SLC39A12: variants seen among roughly 807,000 people sequenced by gnomAD.
The protein encoded by SLC39A12 is solute carrier family 39 member 12, also known as zinc transporter ZIP12.
SLC39A12 carries 63 observed loss-of-function variants against 71.1 expected under a neutral mutation model. The observed-to-expected ratio is 0.89, with a 90% CI of 0.72 to 1.09. The LOEUF is 1.09. Ranked by LOEUF, SLC39A12 falls within the 50% of genes least tolerant of loss-of-function variation. SLC39A12 has a pLI of 0.00. For synonymous variants in SLC39A12, 351 were observed against 301.3 expected (o/e 1.16, Z -1.71); for missense variants, 892 against 812.6 (o/e 1.10, Z -1.19).
chr10:18,024,924 G>A (rs978956685), intron 12 of SLC39A12, among the ~76,000 whole-genome samples: 5 of 152,160 alleles, frequency 3.3e-5, no homozygotes, highest in African/African-American at 7.2e-5. Context: ...AGATCGCTAC[G>A]ACCACTTATA....
chr10:18,003,524 C>A, intron 12 of SLC39A12, 166 bp downstream of exon 12: 1 of 553,260 alleles, frequency 1.8e-6, no homozygotes, highest in Admixed American at 3.8e-5. Context: ...GCATTCTGGG[C>A]AGAAAGAACA....
intron 10 of SLC39A12, among the ~76,000 whole-genome samples, chr10:17,996,571 C>T (rs1298667014): frequency 1.3e-5 from 2 of 152,210 alleles, no homozygotes; most frequent in Non-Finnish European, 2.9e-5. Context: ...GGTGTGATCT[C>T]ATTCAATTCT....
chr10:17,997,956 G>T (rs920302128), intron 10 of SLC39A12, among the ~76,000 whole-genome samples: 2 of 152,128 alleles, frequency 1.3e-5, no homozygotes, highest in African/African-American at 4.8e-5. Context: ...ATTCTGTAAT[G>T]AGTACATTAA....
At chr10:18,041,785 ATATG>A (rs1373463446) in intron 12 of SLC39A12, among the ~76,000 whole-genome samples, 6 of 146,876 alleles carry the variant, frequency 4.1e-5, no homozygotes, top group African/African-American at 1.2e-4. Context: ...ATGTATATAC[ATATG>A]TGTCTATATG....
intron 10 of SLC39A12, among the ~76,000 whole-genome samples, chr10:17,998,338 T>A (rs1440522112): frequency 1.3e-5 from 2 of 152,254 alleles, no homozygotes; most frequent in African/African-American, 2.4e-5. Context: ...GAATATATGC[T>A]ATTAATATCA....
At chr10:17,960,946 T>A (rs1265602267) in intron 2 of SLC39A12, among the ~76,000 whole-genome samples, 7 of 152,254 alleles carry the variant, frequency 4.6e-5, no homozygotes, top group Admixed American at 4.6e-4. Flanking sequence ...TTTTACTTTT[T>A]AAAATCTTGC....
At chr10:18,002,979 C>T in intron 11 of SLC39A12, 192 bp from the exon 12 acceptor site, 2 of 529,686 alleles carry the variant, frequency 3.8e-6, no homozygotes, top group East Asian at 6.1e-5. Flanking sequence ...TGAAATGCAA[C>T]TTCCTAATAG....
intron 12 of SLC39A12, among the ~76,000 whole-genome samples, chr10:18,013,419 G>A (rs1836289818): frequency 2.0e-5 from 3 of 150,826 alleles, no homozygotes; most frequent in Non-Finnish European, 4.4e-5. Context: ...CCAGGCTGCA[G>A]AACAGTGGCA....
At chr10:18,042,659 G>C in intron 12 of SLC39A12, 46 bp from the exon 13 acceptor site, 2 of 1,558,680 alleles carry the variant, frequency 1.3e-6, no homozygotes, top group South Asian at 2.4e-5. Flanking sequence ...TTTCCCAGCA[G>C]TTGAATATAT....
At chr10:18,036,794 A>ATTTTTTTTTTTTT (rs746691202) in intron 12 of SLC39A12, among the ~76,000 whole-genome samples, 5 of 92,858 alleles carry the variant, frequency 5.4e-5, no homozygotes, top group African/African-American at 1.3e-4. Flanking sequence ...ATATATATAT[A>ATTTTTTTTTTTTT]TTTTTTTTTT....
At chr10:17,966,347 G>A (rs1406519184) in intron 4 of SLC39A12, among the ~76,000 whole-genome samples, 1 of 152,078 alleles carries the variant, frequency 6.6e-6, no homozygotes, top group Non-Finnish European at 1.5e-5. Context: ...GTCTCATTCT[G>A]TTGCCCAGAC....
intron 12 of SLC39A12, among the ~76,000 whole-genome samples, chr10:18,023,497 G>C (rs555867542): frequency 6.6e-6 from 1 of 152,170 alleles, no homozygotes; most frequent in East Asian, 1.9e-4. Flanking sequence ...GGGGCTGTCA[G>C]TTTCCTCTGG....
intron 12 of SLC39A12, chr10:18,005,905 G>C (rs985250647): frequency 6.6e-6 from 1 of 151,948 alleles, no homozygotes; most frequent in African/African-American, 2.4e-5. Flanking sequence ...CATCCAGGTC[G>C]CTTGCTCTCA....
intron 6 of SLC39A12, among the ~76,000 whole-genome samples, chr10:17,983,976 G>A (rs1158671278): frequency 2.0e-5 from 3 of 152,166 alleles, no homozygotes; most frequent in Admixed American, 1.3e-4. Flanking sequence ...AAACTCAACC[G>A]CTAAGCACCA....
intron 5 of SLC39A12, among the ~76,000 whole-genome samples, chr10:17,980,986 T>C (rs1835240020): frequency 6.6e-6 from 1 of 152,026 alleles, no homozygotes; most frequent in East Asian, 1.9e-4. Context: ...AACAAAAACA[T>C]CAGGACATCC....
chr10:18,037,962 A>G (rs1366558236), intron 12 of SLC39A12, among the ~76,000 whole-genome samples: 1 of 134,144 alleles, frequency 7.5e-6, no homozygotes, highest in East Asian at 2.5e-4. Flanking sequence ...GGAGATTGCC[A>G]TGAGCCAAGA....
chr10:18,016,091 A>T (rs72780023), intron 12 of SLC39A12, among the ~76,000 whole-genome samples: 246 of 152,296 alleles, frequency 1.6e-3, no homozygotes, highest in Non-Finnish European at 3.0e-3. Context: ...TCCTGGTTTT[A>T]TACATTCTAT....
At chr10:18,009,423 A>G (rs760209681) in intron 12 of SLC39A12, among the ~76,000 whole-genome samples, 31 of 152,196 alleles carry the variant, frequency 2.0e-4, no homozygotes, top group Non-Finnish European at 4.1e-4. Context: ...AGGCAAATGA[A>G]TTGGAATAGG....
intron 11 of SLC39A12, chr10:18,001,987 C>T (rs1475251589): frequency 6.6e-6 from 1 of 151,430 alleles, no homozygotes; most frequent in Non-Finnish European, 1.5e-5. Context: ...TCCCCTACCA[C>T]CCCACTACCC....
Sources: allele counts gnomAD v4.1 joint callset (sites outside exome capture counted in the v4.1 genomes callset), GRCh38; gene constraint gnomAD v4.1.1; transcripts MANE v1.5; gene names NCBI Gene and HGNC (gene_info 2026-07-23, HGNC 2026-07-21).